TRIO: variants seen among roughly 807,000 people sequenced by gnomAD.
TRIO encodes the protein trio Rho guanine nucleotide exchange factor, also known as triple functional domain protein.
A neutral mutation model predicts 351.9 loss-of-function variants in TRIO; 58 were observed. The ratio of observed to expected loss-of-function variants is 0.16; its 90% CI spans 0.13 to 0.21. The LOEUF is 0.21. Ranked by LOEUF, TRIO falls within the 10% of genes least tolerant of loss-of-function variation. The pLI is 1.00. For synonymous variants in TRIO, 1,758 were observed against 1,595.7 expected (o/e 1.10, Z -2.42); for missense variants, 3,201 against 4,027.8 (o/e 0.79, Z 5.56).
At chr5:14,338,770 C>T (rs1404963945) in intron 11 of TRIO, among the ~76,000 whole-genome samples, 1 of 152,130 alleles carries the variant, frequency 6.6e-6, no homozygotes, top group African/African-American at 2.4e-5. Context: ...GGAAGAGTGT[C>T]AGGCAGCTGG....
chr5:14,160,005 T>C (rs1224619561), intron 1 of TRIO, among the ~76,000 whole-genome samples: 1 of 152,250 alleles, frequency 6.6e-6, no homozygotes, highest in Non-Finnish European at 1.5e-5. Flanking sequence ...TAATTTTCAT[T>C]GTGCCTGTTT....
chr5:14,479,931 C>A lies in TRIO; in HGVS notation c.6256C>A (p.Arg2086Ser). The A allele has an allele frequency of 1.2e-6, 2 of 1,613,962 alleles. No individual in the cohort carries two copies. The highest frequency in any genetic ancestry group is 1.7e-6 in the Non-Finnish European group (2 of 1,179,888). The change falls in exon 43 of 57, where the codon CGT becomes AGT. Residue 2086 changes from arginine (R) to serine (S), a missense_variant. By Grantham distance (110) the Arg-to-Ser change is moderately radical. Around this residue, in one of 19 missense-constraint regions of TRIO, gnomAD observed 307 missense variants for 396.5 expected, o/e 0.77. Transcript: ENST00000344204. ...IDTFFEDLKQ[R>S]LGHRLQLTDL... ...CTTAAAACTGTAGGACTTAAAGCAG[C>A]GTCTTGGCCACAGGTTACAGCTCAC...
intron 11 of TRIO, among the ~76,000 whole-genome samples, chr5:14,339,827 G>A (rs916171620): frequency 9.2e-5 from 14 of 152,192 alleles, no homozygotes; most frequent in African/African-American, 3.4e-4. Context: ...TAGGTTCCAT[G>A]CGGGAAAGAA....
At chr5:14,230,775 G>A (rs1581402826) in intron 1 of TRIO, among the ~76,000 whole-genome samples, 1 of 151,982 alleles carries the variant, frequency 6.6e-6, no homozygotes, top group South Asian at 2.1e-4. Flanking sequence ...AGTCTTAATC[G>A]TTTTGTAAGG....
rs1283054885 is a variant in TRIO at position 14,403,627 on chromosome 5, TGTG to T, written c.4717-2214_4717-2212del. Among the ~76,000 whole-genome samples, 152 of 25,740 alleles carry T rather than the reference TGTG, an allele frequency of 5.9e-3. 9 individuals carry two copies. The highest frequency in any genetic ancestry group is 0.022 in the African/African-American group (130 of 5,878). 16.9% of individuals were successfully genotyped at this position (25,740 alleles called of 152,430 possible). A position where few individuals can be genotyped will look rare whatever the true frequency, so the allele number is the denominator to read the frequency against. ...AGGTTGTGAGGGTGAGGGTGTAGGT[TGTG>T]GTGGTGAGGGTGCAGGTGGTGGTGA... On this transcript the variant is annotated intron_variant, in intron 31 of 56. Transcript: ENST00000344204.
At chr5:14,264,177 A>G (rs1454288817) in intron 1 of TRIO, among the ~76,000 whole-genome samples, 1 of 152,036 alleles carries the variant, frequency 6.6e-6, no homozygotes, top group Non-Finnish European at 1.5e-5. Context: ...ATATTTGTTT[A>G]AACTTTTTTT....
intron 8 of TRIO, among the ~76,000 whole-genome samples, chr5:14,305,328 C>T (rs978953995): frequency 2.6e-5 from 4 of 152,180 alleles, no homozygotes; most frequent in African/African-American, 9.7e-5. Flanking sequence ...TTGACGAGTA[C>T]CACCCTTGCC....
chr5:14,437,337 C>T (rs1414904979), intron 34 of TRIO, among the ~76,000 whole-genome samples: 2 of 152,036 alleles, frequency 1.3e-5, no homozygotes, highest in Non-Finnish European at 2.9e-5. Context: ...AGCTGTTTTT[C>T]AAAGTTAGGT....
chr5:14,327,017 C>T (rs1018269908), intron 9 of TRIO, among the ~76,000 whole-genome samples: 1 of 152,130 alleles, frequency 6.6e-6, no homozygotes, highest in Non-Finnish European at 1.5e-5. Context: ...AATACGATTT[C>T]ACCTGGTATT....
At chr5:14,302,942 C>T (rs1738029272) in intron 7 of TRIO, among the ~76,000 whole-genome samples, 1 of 152,226 alleles carries the variant, frequency 6.6e-6, no homozygotes, top group Non-Finnish European at 1.5e-5. Flanking sequence ...ATAGGATCTC[C>T]CTAGGAAATT....
At chr5:14,467,761 T>C (rs1754371849) in intron 37 of TRIO, among the ~76,000 whole-genome samples, 1 of 152,030 alleles carries the variant, frequency 6.6e-6, no homozygotes, top group Non-Finnish European at 1.5e-5. Flanking sequence ...TGCAGTGAGC[T>C]GAGATTGTAC....
At chr5:14,496,077 C>G (rs531620957) in intron 49 of TRIO, among the ~76,000 whole-genome samples, 1 of 152,332 alleles carries the variant, frequency 6.6e-6, no homozygotes, top group Non-Finnish European at 1.5e-5. Flanking sequence ...CAGTACAATT[C>G]ACTGATGGTG....
At chr5:14,154,549 T>TC (rs1787999818) in intron 1 of TRIO, among the ~76,000 whole-genome samples, 1 of 152,192 alleles carries the variant, frequency 6.6e-6, no homozygotes, top group South Asian at 2.1e-4. Flanking sequence ...GCACGTGTCC[T>TC]AGGCTGTTCT....
At chr5:14,395,110 G>A (rs1250053752) in intron 28 of TRIO, among the ~76,000 whole-genome samples, 1 of 152,154 alleles carries the variant, frequency 6.6e-6, no homozygotes, top group Admixed American at 6.5e-5. Flanking sequence ...TACAAATGCT[G>A]GAACTCTTCT....
intron 11 of TRIO, among the ~76,000 whole-genome samples, chr5:14,352,785 T>G (rs1477157491): frequency 1.3e-5 from 2 of 152,212 alleles, no homozygotes; most frequent in East Asian, 3.8e-4. Context: ...TCCTTCACGG[T>G]CTCCTCAGTA....
At chr5:14,169,833 T>C (rs1205903234) in intron 1 of TRIO, among the ~76,000 whole-genome samples, 1 of 152,254 alleles carries the variant, frequency 6.6e-6, no homozygotes, top group Non-Finnish European at 1.5e-5. Context: ...AAGTTGATTG[T>C]ACTTGAAACA....
At position 14,366,848 on chromosome 5, in the gene TRIO, G is replaced by A. The variant is rs757685463; in HGVS notation, c.2755-12G>A. 8.7e-6 allele frequency: 14 copies of A among 1,614,014 alleles called. No homozygotes were observed. The highest frequency in any genetic ancestry group is 1.1e-5 in the South Asian group (1 of 91,090). ...AGTCCACTGCTTGGAGTTATCCTGT[G>A]TAATGTTTCAGGTGCTGGGTTGGAT... is the stretch of plus-strand genomic sequence containing the variant. On this transcript the variant is annotated splice_polypyrimidine_tract_variant and intron_variant, in intron 15 of 56. Transcript: ENST00000344204.
chr5:14,314,671 C>T lies in TRIO; in HGVS notation c.1501-1842C>T, dbSNP rs575668014. Reference sequence around the variant, plus strand: ...GATCACGAAAAGCAGGACATTTCTTCACCATGTGCTAATATCCTGCTCATT... The same window carrying T: ...GATCACGAAAAGCAGGACATTTCTTTACCATGTGCTAATATCCTGCTCATT... On this transcript the variant is annotated intron_variant, in intron 8 of 56. Transcript: ENST00000344204. 3.0e-4 allele frequency among the ~76,000 whole-genome samples: 46 copies of T among 152,320 alleles called. No homozygotes were observed. In the South Asian group the frequency reaches 9.3e-3, roughly 31 times the overall value.
In TRIO at chr5:14,223,715, T is replaced by TA. The variant is rs1792799266; in HGVS notation, c.158-47107dup. ...TGTGCAGCTGTGCATTCTGTGGCCC[T>TA]AAACAGGCACTTTGTTTTTCATTTG... On this transcript the variant is annotated intron_variant, in intron 1 of 56. Transcript: ENST00000344204. Among the ~76,000 whole-genome samples, 6 of 152,358 alleles carry TA rather than the reference T, an allele frequency of 3.9e-5. No individual in the cohort carries two copies. In the South Asian group the frequency reaches 1.0e-3, roughly 26 times the overall value.
Sources: gnomAD v4.1 joint callset for allele counts (sites outside exome capture counted in the v4.1 genomes callset) on GRCh38, gnomAD v4.1.1 for gene constraint, gnomAD v4.1.1 regional missense constraint, MANE v1.5 for transcripts, NCBI Gene and HGNC (gene_info 2026-07-23, HGNC 2026-07-21) for gene names.